IL4I1: variants seen among roughly 807,000 people sequenced by gnomAD.
The protein encoded by IL4I1 is interleukin 4 induced 1, also known as L-amino-acid oxidase.
IL4I1 carries 24 observed loss-of-function variants against 29.7 expected under a neutral mutation model. That is an observed-to-expected ratio of 0.81 (90% confidence interval 0.59 to 1.14). The LOEUF (loss-of-function observed/expected upper bound fraction) is 1.14, where lower values mean the gene tolerates loss of function less well. Ranked by LOEUF, IL4I1 falls within the 50% of genes most tolerant of loss-of-function variation. IL4I1 has a pLI of 0.00. For missense variants in IL4I1, 686 were observed against 785.6 expected, an observed-to-expected ratio of 0.87 and a Z score of 1.52; for synonymous variants, 371 against 352.5, an observed-to-expected ratio of 1.05 and a Z score of -0.59.
intron 3 of IL4I1, among the ~76,000 whole-genome samples, chr19:49,903,844 T>G (rs906075302): frequency 6.0e-4 from 85 of 142,846 alleles, no homozygotes; most frequent in African/African-American, 2.0e-3. Flanking sequence ...TTTTTTTTTT[T>G]TTTTTTTTTT....
intron 2 of IL4I1, among the ~76,000 whole-genome samples, chr19:49,919,617 G>C (rs1390433442): frequency 2.0e-5 from 3 of 152,156 alleles, no homozygotes; most frequent in African/African-American, 7.2e-5. Context: ...TCACCTGACG[G>C]CTAATTAGCA....
upstream of IL4I1, chr19:49,901,540 C>T (rs1568690820): frequency 1.4e-6 from 1 of 727,172 alleles, no homozygotes; most frequent in Non-Finnish European, 2.0e-6. Context: ...TTAGTGAGTC[C>T]CCCAATCTTT....
chr19:49,890,058 C>A lies in IL4I1; in HGVS notation c.1316G>T (p.Gly439Val). ...GTCCTCCGCCCAACGCTTGACGACG[C>A]CGGTGCCGTCCCAGAGCTGGCGCAC... ...PVVRQLWDGT[G>V]VVKRWAEDQH... is the part of the protein sequence containing the mutation. Residue 439 changes from glycine (G) to valine (V), a missense_variant, in exon 8 of 8, where the codon GGC becomes GTC. Physicochemically the swap from Gly to Val is moderately radical, Grantham distance 109. Transcript: ENST00000391826. 2.6e-6 allele frequency: 4 copies of A among 1,549,880 alleles called. No homozygotes were observed. In the South Asian group the frequency reaches 4.7e-5, roughly 18 times the overall value.
chr19:49,920,191 TC>T (rs1600543203), intron 2 of IL4I1, among the ~76,000 whole-genome samples: 1 of 152,140 alleles, frequency 6.6e-6, no homozygotes, highest in Non-Finnish European at 1.5e-5. Context: ...CAAGCTATTC[TC>T]CTGCCTCAGC....
chr19:49,908,843 G>C (rs750595555), intron 2 of IL4I1: 2 of 1,612,522 alleles, frequency 1.2e-6, no homozygotes, highest in South Asian at 2.2e-5. Flanking sequence ...GCTGGCAGCC[G>C]CCCCTGCAGC....
chr19:49,926,144 G>T (rs1479446548), intron 2 of IL4I1, among the ~76,000 whole-genome samples: 2 of 148,684 alleles, frequency 1.3e-5, no homozygotes. Flanking sequence ...GGGAGGCGGT[G>T]GTTGCAGTGA....
chr19:49,902,359 C>CT (rs1207280960), intron 3 of IL4I1, among the ~76,000 whole-genome samples: 5,787 of 118,636 alleles, frequency 0.049, 317 homozygotes, highest in East Asian at 0.21. Flanking sequence ...GCAGCCATTT[C>CT]TTTTTTTTTT....
chr19:49,891,164 G>A lies in IL4I1; in HGVS notation c.637-57C>T. The A allele has an allele frequency of 2.5e-6, 4 of 1,585,884 alleles. No individual in the cohort carries two copies. In the East Asian group the frequency reaches 9.0e-5, roughly 36 times the overall value. ...CCAGGCAGGCTGCACCCCTGAGAGA[G>A]CCCCTCCGCAGCTGGGCCTCCTGGT... On this transcript the variant is annotated intron_variant, in intron 6 of 7. Coordinates refer to ENST00000391826, the MANE Select transcript of IL4I1 (RefSeq NM_152899.2).
chr19:49,897,249 C>T (rs1166659416), upstream of IL4I1, among the ~76,000 whole-genome samples: 1 of 152,202 alleles, frequency 6.6e-6, no homozygotes, highest in African/African-American at 2.4e-5. Flanking sequence ...GCTACAGGTC[C>T]CTGGGCCAGG....
chr19:49,916,079 C>T (rs1287226706), intron 2 of IL4I1, among the ~76,000 whole-genome samples: 2 of 152,240 alleles, frequency 1.3e-5, no homozygotes, highest in African/African-American at 4.8e-5. Flanking sequence ...CACTGCAGCA[C>T]ACCGAGCCCT....
In IL4I1 at chr19:49,890,995, T is replaced by C. The variant is rs746782149; in HGVS notation, c.749A>G (p.His250Arg). ...CTGGAGTCTGTCGCTGAGGCAGCTG[T>C]GGGCCCGGAGGGCCTCGGCGAAGCT... The part of the protein sequence containing the change: ...YLSFAEALRA[H>R]SCLSDRLQYS... Residue 250 changes from histidine (H) to arginine (R), a missense_variant, in exon 7 of 8, where the codon CAC becomes CGC. His to Arg is a conservative substitution (Grantham distance 29, BLOSUM62 0). Coordinates refer to ENST00000391826, the MANE Select transcript of IL4I1 (RefSeq NM_152899.2). 7.4e-7 allele frequency: 1 copy of C among 1,355,326 alleles called. No homozygotes were observed. Among genetic ancestry groups the C allele is most frequent in the Non-Finnish European group, 9.8e-7 (1 of 1,022,812 alleles). 84.0% of individuals were successfully genotyped at this position (1,355,326 alleles called of 1,614,324 possible). A position where few individuals can be genotyped will look rare whatever the true frequency, so the allele number is the denominator to read the frequency against.
chr19:49,915,540 G>A (rs1236952299), intron 2 of IL4I1, among the ~76,000 whole-genome samples: 2 of 152,210 alleles, frequency 1.3e-5, no homozygotes, highest in East Asian at 1.9e-4. Context: ...AAATACATTC[G>A]TGTTGCTTTA....
At chr19:49,924,607 T>G (rs532857673) in intron 2 of IL4I1, among the ~76,000 whole-genome samples, 1 of 152,150 alleles carries the variant, frequency 6.6e-6, no homozygotes, top group East Asian at 1.9e-4. Flanking sequence ...AGCTCGAGGC[T>G]GGGGGAGGCC....
At chr19:49,922,998 C>T (rs1247997783) in intron 2 of IL4I1, among the ~76,000 whole-genome samples, 1 of 152,166 alleles carries the variant, frequency 6.6e-6, no homozygotes, top group Non-Finnish European at 1.5e-5. Flanking sequence ...GTATCTTGTC[C>T]CAGACCACTA....
chr19:49,893,361 G>A (rs1466334954), intron 5 of IL4I1, among the ~76,000 whole-genome samples: 1 of 151,878 alleles, frequency 6.6e-6, no homozygotes, highest in Non-Finnish European at 1.5e-5. Flanking sequence ...TCAGGCGGCA[G>A]GGGTGGGCAC....
At chr19:49,915,397 G>A (rs917705373) in intron 2 of IL4I1, among the ~76,000 whole-genome samples, 3 of 152,192 alleles carry the variant, frequency 2.0e-5, no homozygotes, top group Non-Finnish European at 4.4e-5. Flanking sequence ...TTGAAGATGA[G>A]GGGGCCACAA....
chr19:49,893,656 T>G (rs1445363279), intron 5 of IL4I1, among the ~76,000 whole-genome samples: 2 of 151,918 alleles, frequency 1.3e-5, no homozygotes, highest in Non-Finnish European at 2.9e-5. Flanking sequence ...CAAAAGCTGA[T>G]GCAGCTTTGG....
At chr19:49,898,445 C>G (rs1228670888), upstream of IL4I1, among the ~76,000 whole-genome samples, 1 of 152,222 alleles carries the variant, frequency 6.6e-6, no homozygotes, top group Non-Finnish European at 1.5e-5. Context: ...TCGAGACCAG[C>G]CTGGCCAAGA....
upstream of IL4I1, among the ~76,000 whole-genome samples, chr19:49,897,594 G>A (rs114741765): frequency 4.6e-3 from 701 of 152,334 alleles, 3 homozygotes; most frequent in African/African-American, 0.016. Flanking sequence ...TGCTGTGGCC[G>A]CAGGGGCACT....
Sources: allele counts gnomAD v4.1 joint callset (sites outside exome capture counted in the v4.1 genomes callset), GRCh38; gene constraint gnomAD v4.1.1; transcripts MANE v1.5; gene names NCBI Gene and HGNC (gene_info 2026-07-23, HGNC 2026-07-21).